The following GALNT2 variants were observed in gnomAD, a reference collection of about 807,000 sequenced individuals.
The protein encoded by GALNT2 is UDP-GalNAc:polypeptide N-acetylgalactosaminyltransferase 2.
In GALNT2, 31 loss-of-function variants were observed where a neutral mutation model predicts 81.4. The ratio of observed to expected loss-of-function variants is 0.38; its 90% CI spans 0.29 to 0.51. The LOEUF (loss-of-function observed/expected upper bound fraction) is 0.51, where lower values mean the gene tolerates loss of function less well. Ranked by LOEUF, GALNT2 falls within the 20% of genes least tolerant of loss-of-function variation. GALNT2 has a pLI of 0.87. For synonymous variants in GALNT2, 303 were observed against 287.4 expected (o/e 1.05, Z -0.55); for missense variants, 629 against 765.7 (o/e 0.82, Z 2.11).
At chr1:230,134,621 C>CT (rs1429380161) in intron 1 of GALNT2, among the ~76,000 whole-genome samples, 2 of 152,136 alleles carry the variant, frequency 1.3e-5, no homozygotes, top group African/African-American at 2.4e-5. Flanking sequence ...AGAGGAGCAG[C>CT]TTTTTTTAAG....
At chr1:230,165,386 A>G (rs1344601169) in intron 1 of GALNT2, among the ~76,000 whole-genome samples, 1 of 152,196 alleles carries the variant, frequency 6.6e-6, no homozygotes, top group Non-Finnish European at 1.5e-5. Flanking sequence ...GTATTGGTGA[A>G]TGTTCTAAGT....
Position 230,265,349 on chromosome 1 carries a change from C to T in GALNT2, c.1422C>T (p.His474=), listed in dbSNP as rs1030539411. The T allele has an allele frequency of 1.2e-5, 20 of 1,614,086 alleles. No homozygotes were observed. The highest frequency in any genetic ancestry group is 1.7e-5 in the Admixed American group (1 of 60,002). Reference sequence around the variant, plus strand: ...GTGTGGTTGGAGTTTATGAATGTCACAATGCTGGGGGAAACCAGGTATGTG... The same window carrying T: ...GTGTGGTTGGAGTTTATGAATGTCATAATGCTGGGGGAAACCAGGTATGTG... ...ADGVVGVYEC[H]NAGGNQEWAL... The change falls in exon 14 of 16, where the codon CAC becomes CAT. Residue 474 remains histidine (H), a synonymous_variant. Transcript: ENST00000366672.
chr1:230,117,391 A>C (rs917177712), intron 1 of GALNT2, among the ~76,000 whole-genome samples: 3 of 152,196 alleles, frequency 2.0e-5, no homozygotes, highest in Admixed American at 6.5e-5. Flanking sequence ...TTCCTTCAAG[A>C]ACTTTTCCTT....
At chr1:230,236,134 C>T in intron 4 of GALNT2, 22 bp downstream of exon 4, 1 of 1,606,782 alleles carries the variant, frequency 6.2e-7, no homozygotes. Context: ...AGATGCATTA[C>T]CTGTCAGGGG....
upstream of GALNT2, among the ~76,000 whole-genome samples, chr1:230,066,647 C>A (rs1571919855): frequency 1.3e-5 from 2 of 152,292 alleles, no homozygotes; most frequent in Middle Eastern, 6.8e-3. Context: ...CGGTTTGCAC[C>A]AAAAACTCAG....
intron 10 of GALNT2, among the ~76,000 whole-genome samples, chr1:230,252,363 T>C (rs537860473): frequency 6.6e-6 from 1 of 152,284 alleles, no homozygotes; most frequent in Non-Finnish European, 1.5e-5. Context: ...TAAGTCCTTA[T>C]GTCATTTAAG....
chr1:230,097,815 G>A (rs896813709), intron 1 of GALNT2, among the ~76,000 whole-genome samples: 7 of 152,096 alleles, frequency 4.6e-5, no homozygotes, highest in East Asian at 3.9e-4. Flanking sequence ...ATGGTAACAC[G>A]CACCAAATGT....
At chr1:230,060,761 C>T (rs1333641714) in intron 1 of GALNT2, among the ~76,000 whole-genome samples, 1 of 152,172 alleles carries the variant, frequency 6.6e-6, no homozygotes. Flanking sequence ...TCAAAGAGTT[C>T]TCCTTTTGTC....
chr1:230,254,093 G>A lies in GALNT2; in HGVS notation c.1010-1125G>A, dbSNP rs138057323. On this transcript the variant is annotated intron_variant, in intron 10 of 15. Transcript: ENST00000366672. Reference sequence around the variant, plus strand: ...TTCCCTTTTGTATTATACAAACCTGGTAAAGAAAAACTGTTTTTTGCCTTT... The same window carrying A: ...TTCCCTTTTGTATTATACAAACCTGATAAAGAAAAACTGTTTTTTGCCTTT... Among the ~76,000 whole-genome samples, 790 of 152,202 alleles carry A rather than the reference G, an allele frequency of 5.2e-3. 6 individuals are homozygous for A. Among genetic ancestry groups the A allele is most frequent in the African/African-American group, 0.018 (756 of 41,506 alleles).
intron 1 of GALNT2, among the ~76,000 whole-genome samples, chr1:230,099,156 G>T (rs571190050): frequency 1.3e-5 from 2 of 152,336 alleles, no homozygotes; most frequent in African/African-American, 4.8e-5. Context: ...TTGCAAAGTA[G>T]GTATCACGCT....
At chr1:230,138,524 C>CAA (rs35938447) in intron 1 of GALNT2, among the ~76,000 whole-genome samples, 203 of 75,720 alleles carry the variant, frequency 2.7e-3, no homozygotes, top group Middle Eastern at 0.014. Flanking sequence ...GACTCTGTCT[C>CAA]AAAAAAAAAA....
At chr1:230,083,239 T>C (rs1282829970) in intron 1 of GALNT2, among the ~76,000 whole-genome samples, 5 of 101,276 alleles carry the variant, frequency 4.9e-5, no homozygotes, top group Admixed American at 1.1e-4. Flanking sequence ...AGCGGGGAGC[T>C]GGGATGATGG....
rs190211956 is a variant in GALNT2 at position 230,100,418 on chromosome 1, C to T, written c.126+33012C>T. On this transcript the variant is annotated intron_variant, in intron 1 of 15. Coordinates refer to ENST00000366672, the MANE Select transcript of GALNT2 (RefSeq NM_004481.5). ...CTCGGCTCACTGCAAACTCCGCCTC[C>T]GGGTTCAAGTGATTCTCCTGCCTCA... 4.0e-5 allele frequency among the ~76,000 whole-genome samples: 6 copies of T among 148,650 alleles called. No individual in the cohort carries two copies. The East Asian group carries it at 6.0e-4, about 15-fold the overall frequency.
At chr1:230,120,829 C>G (rs1660994405) in intron 1 of GALNT2, among the ~76,000 whole-genome samples, 1 of 152,182 alleles carries the variant, frequency 6.6e-6, no homozygotes, top group Admixed American at 6.5e-5. Context: ...ACAGCTGAAT[C>G]TCAGGCTAGA....
At chr1:230,121,464 T>C (rs1208666393) in intron 1 of GALNT2, among the ~76,000 whole-genome samples, 1 of 152,214 alleles carries the variant, frequency 6.6e-6, no homozygotes, top group Non-Finnish European at 1.5e-5. Context: ...CCATCCTGGT[T>C]GCATTCCCTC....
At chr1:230,112,067 C>T (rs1240632532) in intron 1 of GALNT2, among the ~76,000 whole-genome samples, 1 of 152,118 alleles carries the variant, frequency 6.6e-6, no homozygotes, top group Non-Finnish European at 1.5e-5. Flanking sequence ...AGAAGGCTGG[C>T]TGGCCTCAGA....
chr1:230,190,781 A>G (rs993521482), intron 2 of GALNT2, among the ~76,000 whole-genome samples: 3 of 152,106 alleles, frequency 2.0e-5, no homozygotes, highest in Non-Finnish European at 4.4e-5. Flanking sequence ...TTTCACATCC[A>G]TAAACATCTC....
intron 1 of GALNT2, among the ~76,000 whole-genome samples, chr1:230,143,182 G>T (rs1283439541): frequency 1.3e-5 from 2 of 152,164 alleles, no homozygotes; most frequent in Non-Finnish European, 2.9e-5. Context: ...GGGAATTGGG[G>T]TACTGGGCAC....
At chr1:230,214,003 A>G (rs961544512) in intron 3 of GALNT2, among the ~76,000 whole-genome samples, 2 of 150,574 alleles carry the variant, frequency 1.3e-5, no homozygotes, top group African/African-American at 2.5e-5. Flanking sequence ...TTATATTTCT[A>G]TTTTTCTACC....
Sources: gnomAD v4.1 joint callset for allele counts (sites outside exome capture counted in the v4.1 genomes callset) on GRCh38, gnomAD v4.1.1 for gene constraint, MANE v1.5 for transcripts, NCBI Gene and HGNC (gene_info 2026-07-23, HGNC 2026-07-21) for gene names.